Variants in RSPH6A observed in about 807,000 individuals in gnomAD.
The protein encoded by RSPH6A is radial spoke head protein 6 homolog A.
In RSPH6A, 49 loss-of-function variants were observed where a neutral mutation model predicts 66.1. That is an observed-to-expected ratio of 0.74 (90% CI 0.59 to 0.94). The LOEUF is 0.94. Ranked by LOEUF, RSPH6A falls within the 40% of genes least tolerant of loss-of-function variation. RSPH6A has a pLI of 0.00. For missense variants in RSPH6A, 977 were observed against 948.3 expected, an observed-to-expected ratio of 1.03 and a Z score of -0.40; for synonymous variants, 419 against 402.4, an observed-to-expected ratio of 1.04 and a Z score of -0.49.
At position 45,810,851 on chromosome 19, in the gene RSPH6A, CAGG is replaced by C. The variant is rs1401479282; in HGVS notation, c.651-14_651-12del. 8.1e-6 allele frequency: 13 copies of C among 1,599,212 alleles called. No homozygotes were observed. The highest frequency in any genetic ancestry group is 3.3e-4 in the Middle Eastern group (2 of 6,008). On this transcript the variant is annotated splice_polypyrimidine_tract_variant and intron_variant, in intron 1 of 5. Coordinates refer to ENST00000221538, the MANE Select transcript of RSPH6A (RefSeq NM_030785.4). ...ACCAGGTGCTCGTACCTGCCTCCCG[CAGG>C]AGGAGTGGGAGGAGAGGGACCTCAC...
At position 45,815,269 on chromosome 19, in the gene RSPH6A, C is replaced by T; in HGVS notation, c.-93G>A. 1 of 1,350,982 alleles carries T rather than the reference C, an allele frequency of 7.4e-7. No homozygotes were observed. Among genetic ancestry groups the T allele is most frequent in the East Asian group, 2.5e-5 (1 of 39,784 alleles). 83.7% of individuals were successfully genotyped at this position (1,350,982 alleles called of 1,614,324 possible). On this transcript the variant is annotated 5_prime_UTR_variant, in exon 1 of 6. The change creates a new upstream start codon in the 5' untranslated region. Coordinates refer to ENST00000221538, the MANE Select transcript of RSPH6A (RefSeq NM_030785.4). ...TGTCGACACCGCCGGTTTCTGAGCACCGAGAGAGGGGGCCGTTACCCGTGG... is the reference window on the plus strand; with the variant it reads ...TGTCGACACCGCCGGTTTCTGAGCATCGAGAGAGGGGGCCGTTACCCGTGG...
At chr19:45,810,506 C>T in intron 2 of RSPH6A, 97 bp downstream of exon 2, 1 of 1,137,082 alleles carries the variant, frequency 8.8e-7, no homozygotes, top group Admixed American at 1.8e-5. Context: ...TTGTGCAATG[C>T]TGTCTTTCGC....
Position 45,810,985 on chromosome 19 carries a change from T to A in RSPH6A, c.651-145A>T, listed in dbSNP as rs112959704. 3,529 of 506,494 alleles carry A rather than the reference T, an allele frequency of 7.0e-3. 34 individuals carry two copies. Among genetic ancestry groups the A allele is most frequent in the Non-Finnish European group, 0.011 (3,157 of 291,030 alleles). 31.4% of individuals were successfully genotyped at this position (506,494 alleles called of 1,614,324 possible). The stretch of plus-strand genomic sequence containing the variant: ...CCTGCCCAGGTGTAGCTGACATTTA[T>A]TTATTTATTTTTATTTATTTAGTTT... On this transcript the variant is annotated intron_variant, in intron 1 of 5. Coordinates refer to ENST00000221538, the MANE Select transcript of RSPH6A (RefSeq NM_030785.4).
intron 5 of RSPH6A, among the ~76,000 whole-genome samples, chr19:45,797,758 C>T (rs1970423972): frequency 6.6e-6 from 1 of 151,914 alleles, no homozygotes; most frequent in African/African-American, 2.4e-5. Context: ...GTCCCAGCTA[C>T]TCAGGAGGCT....
chr19:45,797,394 AG>A (rs1376354246), intron 5 of RSPH6A, among the ~76,000 whole-genome samples: 1 of 151,786 alleles, frequency 6.6e-6, no homozygotes, highest in Non-Finnish European at 1.5e-5. Flanking sequence ...AAAAAAAAAA[AG>A]AAATAAGTAA....
chr19:45,805,544 T>C (rs1970533041), intron 2 of RSPH6A, among the ~76,000 whole-genome samples: 1 of 151,776 alleles, frequency 6.6e-6, no homozygotes, highest in Admixed American at 6.6e-5. Flanking sequence ...ATACAAAAAT[T>C]AGGCAGGCGT....
intron 2 of RSPH6A, among the ~76,000 whole-genome samples, chr19:45,809,534 T>C (rs936927147): frequency 6.6e-6 from 1 of 151,742 alleles, no homozygotes; most frequent in Non-Finnish European, 1.5e-5. Flanking sequence ...TCTCCTGACC[T>C]CGTGAACCAC....
chr19:45,796,653 C>T (rs1970411472), intron 5 of RSPH6A, among the ~76,000 whole-genome samples: 2 of 151,944 alleles, frequency 1.3e-5, no homozygotes, highest in Non-Finnish European at 2.9e-5. Flanking sequence ...GCTGGGACTA[C>T]AGGCACACAC....
chr19:45,810,407 T>C (rs927971676), intron 2 of RSPH6A, among the ~76,000 whole-genome samples, 196 bp downstream of exon 2: 1 of 152,184 alleles, frequency 6.6e-6, no homozygotes, highest in Non-Finnish European at 1.5e-5. Context: ...CCTGACCTCG[T>C]GATCTGCCCA....
chr19:45,805,080 T>C, intron 2 of RSPH6A, 64 bp from the exon 3 acceptor site: 1 of 1,376,124 alleles, frequency 7.3e-7, no homozygotes, highest in Admixed American at 1.9e-5. Context: ...AGCCTACCTC[T>C]TCCAGACTCT....
intron 2 of RSPH6A, among the ~76,000 whole-genome samples, chr19:45,808,816 C>T (rs1275657845): frequency 6.6e-6 from 1 of 150,458 alleles, no homozygotes; most frequent in African/African-American, 2.4e-5. Flanking sequence ...TGACCGCCAC[C>T]ACGCCTGGCT....
Position 45,815,270 on chromosome 19 carries a change from CGA to C in RSPH6A, c.-96_-95del. 2 of 1,345,718 alleles carry C rather than the reference CGA, an allele frequency of 1.5e-6. No homozygotes were observed. The highest frequency in any genetic ancestry group is 2.5e-5 in the East Asian group (1 of 39,764). 83.4% of individuals were successfully genotyped at this position (1,345,718 alleles called of 1,614,324 possible). A position where few individuals can be genotyped will look rare whatever the true frequency, so the allele number is the denominator to read the frequency against. On this transcript the variant is annotated 5_prime_UTR_variant, in exon 1 of 6. Transcript: ENST00000221538. The stretch of plus-strand genomic sequence containing the variant: ...GTCGACACCGCCGGTTTCTGAGCAC[CGA>C]GAGAGGGGGCCGTTACCCGTGGAGG...
intron 5 of RSPH6A, 149 bp downstream of exon 5, chr19:45,800,297 C>G: frequency 1.5e-6 from 1 of 646,724 alleles, no homozygotes; most frequent in Non-Finnish European, 2.7e-6. Flanking sequence ...CCTGGTGAAA[C>G]TCCTAGGAGC....
chr19:45,814,896 A>G lies in RSPH6A; in HGVS notation c.281T>C (p.Phe94Ser), dbSNP rs776714739. 1 of 1,614,086 alleles carries G rather than the reference A, an allele frequency of 6.2e-7. No individual in the cohort carries two copies. The stretch of plus-strand genomic sequence containing the variant: ...AGGCTGAGGCTGGAACTCTGAGGGA[A>G]AGCCCGTGTTCACAGATGGGTACTC... Reference protein sequence around the residue: ...GMEYPSVNTGFPSEFQPQPYS... With the variant: ...GMEYPSVNTGSPSEFQPQPYS... Residue 94 changes from phenylalanine to serine, a missense_variant, in exon 1 of 6, where the codon TTT (phenylalanine) becomes TCT (serine). Physicochemically the swap from Phe to Ser is radical, Grantham distance 155. Coordinates refer to ENST00000221538, the MANE Select transcript of RSPH6A (RefSeq NM_030785.4).
At chr19:45,798,843 A>C (rs1197961109) in intron 5 of RSPH6A, among the ~76,000 whole-genome samples, 1 of 151,722 alleles carries the variant, frequency 6.6e-6, no homozygotes, top group African/African-American at 2.4e-5. Context: ...TATCTCAAAA[A>C]AAAAAAAAAG....
rs1362500255 is a variant in RSPH6A, at chr19:45,796,025, T to C, written c.1998A>G (p.Gln666=). The C allele has an allele frequency of 1.9e-6, 3 of 1,613,774 alleles. No individual in the cohort carries two copies. The highest frequency in any genetic ancestry group is 2.5e-6 in the Non-Finnish European group (3 of 1,179,938). Residue 666 remains glutamine, a synonymous_variant, in exon 6 of 6, where the codon CAA becomes CAG. Coordinates refer to ENST00000221538, the MANE Select transcript of RSPH6A (RefSeq NM_030785.4). The part of the protein sequence containing the change: ...SFNPALPAPI[Q]QEYPSGPEIM... ...TCTCTGGGCCACTGGGGTACTCTTGTTGAATGGGGGCTGGCAGGGCCGGGT... is the reference window on the plus strand; with the variant it reads ...TCTCTGGGCCACTGGGGTACTCTTGCTGAATGGGGGCTGGCAGGGCCGGGT...
intron 1 of RSPH6A, among the ~76,000 whole-genome samples, chr19:45,814,278 C>T (rs898770131): frequency 6.6e-6 from 1 of 152,200 alleles, no homozygotes; most frequent in Non-Finnish European, 1.5e-5. Flanking sequence ...GTCTCGGTCT[C>T]CTCCTCTGTA....
Position 45,804,361 on chromosome 19 carries a change from G to C in RSPH6A, c.1544C>G (p.Ala515Gly), listed in dbSNP as rs61749001. The C allele has an allele frequency of 3.8e-4, 616 of 1,614,206 alleles. No homozygotes were observed. Among genetic ancestry groups the C allele is most frequent in the Non-Finnish European group, 4.7e-4 (559 of 1,180,050 alleles). ...EEGDEEEEGG[A>G]GRDSYEENPD... ...GTTCTCCTCGTAGGAGTCGCGCCCA[G>C]CACCACCTTCCTCCTCCTCGTCGCC... Residue 515 changes from alanine to glycine, a missense_variant, in exon 3 of 6, where the codon GCT becomes GGT. Physicochemically the swap from Ala to Gly is moderately conservative, Grantham distance 60. Coordinates refer to ENST00000221538, the MANE Select transcript of RSPH6A (RefSeq NM_030785.4). This position sits in a 1 kb window ranked among gnomAD's most constrained non-coding sequence, Gnocchi z 5.8.
chr19:45,805,038 G>A lies in RSPH6A; in HGVS notation c.889-22C>T, dbSNP rs749736649. ...CCCCCTGCGCAGGGTAGGGTGGAGG[G>A]CAGAGGGGAGAATGCTGAAGCTCTG... On this transcript the variant is annotated intron_variant, in intron 2 of 5. Transcript: ENST00000221538. 1.5e-5 allele frequency: 24 copies of A among 1,576,058 alleles called. No individual in the cohort carries two copies. The East Asian group carries it at 5.2e-4, about 34-fold the overall frequency.
Sources: gnomAD v4.1 joint callset for allele counts (sites outside exome capture counted in the v4.1 genomes callset) on GRCh38, gnomAD v4.1.1 for gene constraint, Gnocchi (gnomAD v3.1) non-coding constraint, MANE v1.5 for transcripts, NCBI Gene and HGNC (gene_info 2026-07-23, HGNC 2026-07-21) for gene names.